The following PRDM10 variants were observed in gnomAD, a reference collection of about 807,000 sequenced individuals.
The protein encoded by PRDM10 is PR/SET domain 10.
A neutral mutation model predicts 133.1 loss-of-function variants in PRDM10; 65 were observed. That is an observed-to-expected ratio of 0.49 (90% confidence interval 0.40 to 0.60). The LOEUF is 0.60. PRDM10 is among the 20% of genes least tolerant of loss of function. PRDM10 has a pLI of 0.00. For synonymous variants in PRDM10, 582 were observed against 580.4 expected (o/e 1.00, Z -0.04); for missense variants, 1,137 against 1,507.1 (o/e 0.75, Z 4.07).
At chr11:129,961,625 G>A (rs1299209251) in intron 1 of PRDM10, among the ~76,000 whole-genome samples, 6 of 150,026 alleles carry the variant, frequency 4.0e-5, no homozygotes, top group Non-Finnish European at 8.9e-5. Flanking sequence ...TCTTTGGGAG[G>A]CCAAGATGGA....
chr11:129,957,400 C>A (rs1371766868), intron 3 of PRDM10, among the ~76,000 whole-genome samples: 1 of 152,086 alleles, frequency 6.6e-6, no homozygotes, highest in Non-Finnish European at 1.5e-5. Flanking sequence ...CTCACTGCAA[C>A]CTCCGCCTCC....
chr11:129,982,278 G>T (rs1014253493), intron 1 of PRDM10, among the ~76,000 whole-genome samples: 3 of 151,922 alleles, frequency 2.0e-5, no homozygotes, highest in Non-Finnish European at 2.9e-5. Context: ...GTGTGTCTGT[G>T]TGTGTGCGCG....
chr11:129,927,474 C>T (rs901392754), intron 11 of PRDM10, among the ~76,000 whole-genome samples: 5 of 152,090 alleles, frequency 3.3e-5, no homozygotes, highest in Non-Finnish European at 7.3e-5. Flanking sequence ...AGAACAGACA[C>T]AATGCACATT....
At chr11:129,939,826 C>A (rs1383651505) in intron 7 of PRDM10, among the ~76,000 whole-genome samples, 1 of 152,212 alleles carries the variant, frequency 6.6e-6, no homozygotes, top group African/African-American at 2.4e-5. Context: ...AGCCTCTCCA[C>A]TTCAAGGATA....
rs867313042 is a variant in PRDM10 at position 129,923,691 on chromosome 11, A to C, written c.1879-288T>G. Among the ~76,000 whole-genome samples, 687 of 143,444 alleles carry C rather than the reference A, an allele frequency of 4.8e-3. 21 individuals are homozygous for C. The highest frequency in any genetic ancestry group is 0.017 in the African/African-American group (645 of 37,372). The allele number at this position is 143,444 out of a possible 152,430, so 94.1% of individuals were successfully genotyped here. ...GAGAGAGAGAGAGAGAGAGAGAGAG[A>C]GAGTGCTTGCTTGGTCAAAGCCCTG... On this transcript the variant is annotated intron_variant, in intron 12 of 20. Transcript: ENST00000360871. The surrounding 1 kb of genome is among the most constrained non-coding windows in gnomAD (Gnocchi z 4.4).
At chr11:129,998,857 T>G (rs530991035) in intron 1 of PRDM10, among the ~76,000 whole-genome samples, 3 of 149,842 alleles carry the variant, frequency 2.0e-5, no homozygotes, top group African/African-American at 7.4e-5. Flanking sequence ...GGTCTCACTC[T>G]GGTTGCCCAG....
intron 1 of PRDM10, among the ~76,000 whole-genome samples, chr11:129,984,829 G>A (rs1938323567): frequency 1.3e-5 from 2 of 151,990 alleles, no homozygotes; most frequent in African/African-American, 2.4e-5. Flanking sequence ...CAGCCTTTAG[G>A]GTGGCAACAG....
intron 1 of PRDM10, among the ~76,000 whole-genome samples, chr11:129,995,189 T>C (rs1002011359): frequency 2.0e-5 from 3 of 152,168 alleles, no homozygotes; most frequent in African/African-American, 2.4e-5. Context: ...TCCGGAATAA[T>C]TTTCAATTCA....
intron 1 of PRDM10, among the ~76,000 whole-genome samples, chr11:129,987,529 T>A (rs1195121628): frequency 6.6e-6 from 1 of 152,038 alleles, no homozygotes; most frequent in Non-Finnish European, 1.5e-5. Flanking sequence ...CAATTCCTCA[T>A]CAAGATGTAA....
At chr11:129,935,388 CAG>C (rs757050298) in intron 8 of PRDM10, among the ~76,000 whole-genome samples, 170 bp from the exon 9 acceptor site, 5 of 152,162 alleles carry the variant, frequency 3.3e-5, no homozygotes, top group Non-Finnish European at 7.3e-5. Flanking sequence ...TAAAATTTGG[CAG>C]AGAGTTGCTT....
chr11:129,901,408 T>C lies in PRDM10; in HGVS notation c.*905A>G, dbSNP rs529740492. The stretch of plus-strand genomic sequence containing the variant: ...GAACAAGGAATATATCCTTTACCAA[T>C]GAATGATAAATGGATCCTGCAAGGC... On this transcript the variant is annotated 3_prime_UTR_variant, in exon 21 of 21. Transcript: ENST00000360871. The C allele has an allele frequency of 7.9e-5, 12 of 152,748 alleles. No individual in the cohort carries two copies. Among genetic ancestry groups the C allele is most frequent in the Non-Finnish European group, 1.6e-4 (11 of 68,026 alleles). The allele number at this position is 152,748 out of a possible 1,614,324, so 9.5% of individuals were successfully genotyped here.
intron 1 of PRDM10, among the ~76,000 whole-genome samples, chr11:129,983,588 T>G (rs61340393): frequency 0.063 from 9,628 of 152,130 alleles, 930 homozygotes; most frequent in African/African-American, 0.21. Flanking sequence ...GTGAGCCACC[T>G]CGCCCGGCCT....
intron 1 of PRDM10, among the ~76,000 whole-genome samples, chr11:129,976,925 A>G (rs1007295233): frequency 5.9e-5 from 9 of 152,134 alleles, no homozygotes; most frequent in Admixed American, 3.3e-4. Flanking sequence ...ACAACCAACC[A>G]TTAGCACTCC....
intron 9 of PRDM10, among the ~76,000 whole-genome samples, chr11:129,932,701 A>C (rs1014964787): frequency 4.6e-5 from 7 of 152,176 alleles, no homozygotes; most frequent in African/African-American, 1.7e-4. Flanking sequence ...ACAAATTTCT[A>C]ATTCAATTGT....
intron 8 of PRDM10, among the ~76,000 whole-genome samples, chr11:129,936,813 C>G (rs1366507276): frequency 6.6e-6 from 1 of 152,124 alleles, no homozygotes; most frequent in African/African-American, 2.4e-5. Flanking sequence ...GGTGTCTTGA[C>G]CACCCTGAGC....
Position 129,955,460 on chromosome 11 carries a change from C to T in PRDM10, c.294+52G>A, listed in dbSNP as rs189860864. Reference sequence around the variant, plus strand: ...GTGCAAAGGGATGGGGCATTCCAGGCGCAGTGGCATTCACAGTGTTATCCC... The same window carrying T: ...GTGCAAAGGGATGGGGCATTCCAGGTGCAGTGGCATTCACAGTGTTATCCC... On this transcript the variant is annotated intron_variant, in intron 4 of 20. Coordinates refer to ENST00000360871, the MANE Select transcript of PRDM10 (RefSeq NM_199437.2). 225 of 1,555,288 alleles carry T rather than the reference C, an allele frequency of 1.4e-4. No individual in the cohort carries two copies. The East Asian group carries it at 3.5e-3, about 24-fold the overall frequency.
chr11:129,948,092 T>G (rs1347808659), intron 4 of PRDM10: 1 of 456,650 alleles, frequency 2.2e-6, no homozygotes, highest in Non-Finnish European at 4.4e-6. Flanking sequence ...TGTTTCATCA[T>G]GCTGAAGTCA....
At position 129,947,073 on chromosome 11, in the gene PRDM10, C is replaced by A; in HGVS notation, c.520+72G>T. 6.4e-7 allele frequency: 1 copy of A among 1,565,768 alleles called. No homozygotes were observed. ...ACCTGACGCACGGGAGCTATGTTCA[C>A]ACACACGCACACGTACACAGACACA... is the stretch of plus-strand genomic sequence containing the variant. On this transcript the variant is annotated intron_variant, in intron 5 of 20. Transcript: ENST00000360871. The surrounding 1 kb of genome is among the most constrained non-coding windows in gnomAD (Gnocchi z 4.6).
chr11:129,948,893 A>G (rs1951504714), intron 4 of PRDM10, among the ~76,000 whole-genome samples: 1 of 152,200 alleles, frequency 6.6e-6, no homozygotes, highest in Non-Finnish European at 1.5e-5. Context: ...GCAGATAACT[A>G]AAATATCTAA....
Sources: gnomAD v4.1 joint callset for allele counts (sites outside exome capture counted in the v4.1 genomes callset) on GRCh38, gnomAD v4.1.1 for gene constraint, Gnocchi (gnomAD v3.1) non-coding constraint, MANE v1.5 for transcripts, NCBI Gene and HGNC (gene_info 2026-07-23, HGNC 2026-07-21) for gene names.